RHOBTB1: variants seen among roughly 807,000 people sequenced by gnomAD.
The protein encoded by RHOBTB1 is Rho related BTB domain containing 1.
In RHOBTB1, 40 loss-of-function variants were observed where a neutral mutation model predicts 71.6. The observed-to-expected ratio is 0.56, with a 90% confidence interval of 0.43 to 0.73. RHOBTB1 has a LOEUF of 0.73. RHOBTB1 is among the 30% of genes least tolerant of loss of function. The pLI, the probability that RHOBTB1 is intolerant of heterozygous loss-of-function variation, is 0.00. For missense variants in RHOBTB1, 797 were observed against 894.0 expected (o/e 0.89, Z 1.38); for synonymous variants, 319 against 334.9 (o/e 0.95, Z 0.52).
intron 1 of RHOBTB1, among the ~76,000 whole-genome samples, chr10:60,992,191 T>C (rs2086893124): frequency 6.6e-6 from 1 of 152,112 alleles, no homozygotes; most frequent in Non-Finnish European, 1.5e-5. Context: ...CTTGAATGGA[T>C]ATAAGAAACG....
At chr10:60,969,556 C>G (rs1272158876) in intron 2 of RHOBTB1, among the ~76,000 whole-genome samples, 1 of 152,002 alleles carries the variant, frequency 6.6e-6, no homozygotes, top group African/African-American at 2.4e-5. Flanking sequence ...AAGGTTACAT[C>G]TGGGACCAGT....
At chr10:60,921,145 A>G (rs2083539581) in intron 2 of RHOBTB1, among the ~76,000 whole-genome samples, 1 of 151,676 alleles carries the variant, frequency 6.6e-6, no homozygotes, top group South Asian at 2.1e-4. Context: ...ATGGAGTTTC[A>G]CCATGTTGGC....
chr10:60,918,782 T>C lies in RHOBTB1; in HGVS notation c.-10-7230A>G, dbSNP rs151323636. On this transcript the variant is annotated intron_variant, in intron 2 of 10. Transcript: ENST00000337910. ...TTTTTTTGAGATGGAGTTTCACTCT[T>C]GTTGCCAGGCTGGAGTGCAATAGCG... 4.6e-3 allele frequency among the ~76,000 whole-genome samples: 703 copies of C among 151,792 alleles called. 18 individuals carry two copies. Among genetic ancestry groups the C allele is most frequent in the East Asian group, 3.1e-3 (16 of 5,170 alleles).
At position 60,871,360 on chromosome 10, in the gene RHOBTB1, T is replaced by A; in HGVS notation, c.*122A>T. The A allele has an allele frequency of 4.5e-6, 4 of 894,940 alleles. No individual in the cohort carries two copies. Among genetic ancestry groups the A allele is most frequent in the Non-Finnish European group, 6.7e-6 (4 of 592,782 alleles). 55.4% of individuals were successfully genotyped at this position (894,940 alleles called of 1,614,324 possible). ...ATAAATGCACAAAAGTGGAGGAAGA[T>A]CAGTGCCCGAAACCTGAACTATGTC... On this transcript the variant is annotated 3_prime_UTR_variant, in exon 11 of 11. Coordinates refer to ENST00000337910, the MANE Select transcript of RHOBTB1 (RefSeq NM_014836.5).
In RHOBTB1 at chr10:60,888,459, G is replaced by A. The variant is rs1228015121; in HGVS notation, c.1209C>T (p.Asp403=). The change falls in exon 6 of 11, where the codon GAC becomes GAT. Residue 403 remains aspartate, a synonymous_variant. Coordinates refer to ENST00000337910, the MANE Select transcript of RHOBTB1 (RefSeq NM_014836.5). ...RMGPMTVVRM[D]ASVQPGPFRT... is the part of the protein sequence containing the mutation. ...GAAAAGGGCCTGGCTGGACTGAAGC[G>A]TCCATCCTGACCACAGTCATGGGCC... is the stretch of plus-strand genomic sequence containing the variant. 2.5e-6 allele frequency: 4 copies of A among 1,614,166 alleles called. No homozygotes were observed. Among genetic ancestry groups the A allele is most frequent in the African/African-American group, 2.7e-5 (2 of 75,040 alleles).
At chr10:60,920,844 T>C (rs1307741578) in intron 2 of RHOBTB1, among the ~76,000 whole-genome samples, 4 of 151,710 alleles carry the variant, frequency 2.6e-5, no homozygotes, top group African/African-American at 9.7e-5. Context: ...TTGGTAAAGA[T>C]GGGGGTCTCA....
At chr10:60,895,142 T>C (rs1399384679) in intron 4 of RHOBTB1, among the ~76,000 whole-genome samples, 2 of 152,198 alleles carry the variant, frequency 1.3e-5, no homozygotes, top group Non-Finnish European at 2.9e-5. Context: ...GTCACATCAA[T>C]ATCTAAATGC....
In RHOBTB1 at chr10:60,987,919, C is replaced by CTTTTT. The variant is rs71018937; in HGVS notation, c.-162-1979_-162-1975dup. Among the ~76,000 whole-genome samples, 167 of 53,726 alleles carry CTTTTT rather than the reference C, an allele frequency of 3.1e-3. 14 individuals carry two copies. Among genetic ancestry groups the CTTTTT allele is most frequent in the African/African-American group, 4.7e-3 (64 of 13,754 alleles). The allele number at this position is 53,726 out of a possible 152,430, so 35.2% of individuals were successfully genotyped here. A position where few individuals can be genotyped will look rare whatever the true frequency, so the allele number is the denominator to read the frequency against. On this transcript the variant is annotated intron_variant, in intron 1 of 11. Transcript: ENST00000357917. ...GCTGTCTGCTGTCTGAAATACTCAACTTTTTTTTTTTTTTTTTTTTTTTTT... is the reference window on the plus strand; with the variant it reads ...GCTGTCTGCTGTCTGAAATACTCAACTTTTTTTTTTTTTTTTTTTTTTTTTTTTTT...
intron 1 of RHOBTB1, among the ~76,000 whole-genome samples, chr10:60,986,529 G>A (rs12766967): frequency 0.54 from 80,500 of 149,026 alleles, 22,043 homozygotes; most frequent in East Asian, 0.77. Context: ...AAAGGAAAAC[G>A]AAGTCCTATT....
chr10:60,876,489 T>G (rs529429632), intron 8 of RHOBTB1, among the ~76,000 whole-genome samples: 1 of 152,188 alleles, frequency 6.6e-6, no homozygotes, highest in Non-Finnish European at 1.5e-5. Flanking sequence ...CTGAGATTGA[T>G]CACAAACCTT....
intron 4 of RHOBTB1, among the ~76,000 whole-genome samples, chr10:60,899,717 T>C (rs766121047): frequency 1.6e-4 from 24 of 152,204 alleles, no homozygotes; most frequent in Non-Finnish European, 2.5e-4. Context: ...ACATTGGGGA[T>C]AGAGTGATTA....
chr10:60,925,366 A>G (rs1211730642), intron 2 of RHOBTB1, among the ~76,000 whole-genome samples: 1 of 152,232 alleles, frequency 6.6e-6, no homozygotes, highest in Non-Finnish European at 1.5e-5. Flanking sequence ...AAGAAACCTT[A>G]AAAATTTATT....
intron 8 of RHOBTB1, among the ~76,000 whole-genome samples, chr10:60,876,676 T>G (rs1161634363): frequency 6.6e-6 from 1 of 152,202 alleles, no homozygotes; most frequent in Non-Finnish European, 1.5e-5. Flanking sequence ...ACTAGTGCAC[T>G]CATTTGGATC....
the RHOBTB1 span, among the ~76,000 whole-genome samples, chr10:60,862,468 G>T: frequency 1.3e-5 from 2 of 148,776 alleles, no homozygotes; most frequent in East Asian, 4.0e-4. Flanking sequence ...AAAGTGCTGG[G>T]ATAACAGGTG....
intron 1 of RHOBTB1, among the ~76,000 whole-genome samples, chr10:60,997,064 TACACACACACACACACACACACAC>T (rs3049452): frequency 6.9e-6 from 1 of 144,838 alleles, no homozygotes; most frequent in Non-Finnish European, 1.5e-5. Flanking sequence ...CATGGTTATG[TACACACACACACACACACACACAC>T]ACACACACAC....
chr10:60,987,324 C>T (rs1449948427), intron 1 of RHOBTB1, among the ~76,000 whole-genome samples: 1 of 152,138 alleles, frequency 6.6e-6, no homozygotes, highest in Non-Finnish European at 1.5e-5. Context: ...ATATCTAGAG[C>T]TTAAATTATA....
At chr10:60,894,555 G>C (rs1393010134) in intron 4 of RHOBTB1, among the ~76,000 whole-genome samples, 1 of 152,188 alleles carries the variant, frequency 6.6e-6, no homozygotes, top group South Asian at 2.1e-4. Flanking sequence ...ACAGTATCCA[G>C]TAAAGCCAAG....
intron 2 of RHOBTB1, among the ~76,000 whole-genome samples, chr10:60,984,106 AT>A (rs1240792512): frequency 6.6e-6 from 1 of 152,094 alleles, no homozygotes; most frequent in African/African-American, 2.4e-5. Flanking sequence ...TTTGCTCCAT[AT>A]TTTTGCTCCA....
At chr10:60,864,135 T>C in the RHOBTB1 span, among the ~76,000 whole-genome samples, 372 of 152,284 alleles carry the variant, frequency 2.4e-3, no homozygotes, top group African/African-American at 8.4e-3. Context: ...TTCTCACCCT[T>C]TCCAGTCGCC....
Sources: gnomAD v4.1 joint callset for allele counts (sites outside exome capture counted in the v4.1 genomes callset) on GRCh38, gnomAD v4.1.1 for gene constraint, MANE v1.5 for transcripts, NCBI Gene and HGNC (gene_info 2026-07-23, HGNC 2026-07-21) for gene names.